The following NAV3 variants were observed in gnomAD, a reference collection of about 807,000 sequenced individuals.
NAV3 encodes the protein neuron navigator 3.
Under a neutral mutation model 244.7 loss-of-function variants are expected in NAV3, and 87 were observed. That is an observed-to-expected ratio of 0.36 (90% CI 0.30 to 0.42). The LOEUF is 0.42. NAV3 is among the 20% of genes least tolerant of loss of function. NAV3 has a pLI of 1.00. For synonymous variants in NAV3, 1,126 were observed against 1,042.2 expected, an observed-to-expected ratio of 1.08 and a Z score of -1.55; for missense variants, 2,663 against 2,893.3, an observed-to-expected ratio of 0.92 and a Z score of 1.83.
rs1300887916 is a variant in NAV3, at chr12:77,765,668, G to A, written c.73-174651G>A. ...ACTATGACTAGAGCCTAGAGTTCAT[G>A]TGGGGGATGGTGAGAACTGAGAATG... On this transcript the variant is annotated intron_variant, in intron 2 of 8. Coordinates refer to the NAV3 transcript ENST00000550042. 2.6e-5 allele frequency among the ~76,000 whole-genome samples: 4 copies of A among 152,186 alleles called. No homozygotes were observed. The East Asian group carries it at 7.7e-4, about 29-fold the overall frequency.
At chr12:77,983,967 C>G (rs1043260557) in intron 5 of NAV3, among the ~76,000 whole-genome samples, 1 of 152,086 alleles carries the variant, frequency 6.6e-6, no homozygotes, top group Non-Finnish European at 1.5e-5. Context: ...ATCACTGCAA[C>G]ACAAAACAAA....
rs74107148 is a variant in NAV3, at chr12:78,158,044, G to A, written c.4786-1159G>A. Reference sequence around the variant, plus strand: ...GTTACCAATAATGGAATATATTTCCGTTATTAAGTAATAAGCTTTAATTCT... The same window carrying A: ...GTTACCAATAATGGAATATATTTCCATTATTAAGTAATAAGCTTTAATTCT... On this transcript the variant is annotated intron_variant, in intron 22 of 39. Coordinates refer to ENST00000397909, the MANE Select transcript of NAV3 (RefSeq NM_001024383.2). Among the ~76,000 whole-genome samples, 654 of 152,180 alleles carry A rather than the reference G, an allele frequency of 4.3e-3. 3 individuals carry two copies. The highest frequency in any genetic ancestry group is 6.9e-3 in the African/African-American group (287 of 41,552).
chr12:77,717,545 A>T (rs1427623434), intron 2 of NAV3, among the ~76,000 whole-genome samples: 1 of 152,118 alleles, frequency 6.6e-6, no homozygotes, highest in Non-Finnish European at 1.5e-5. Context: ...TATGTTGTTT[A>T]CATATCTTGG....
chr12:77,712,568 C>G (rs1000013285), intron 2 of NAV3, among the ~76,000 whole-genome samples: 1 of 152,142 alleles, frequency 6.6e-6, no homozygotes, highest in African/African-American at 2.4e-5. Context: ...GCCTGATATC[C>G]TAACCAGAAC....
intron 3 of NAV3, among the ~76,000 whole-genome samples, chr12:77,959,961 A>G (rs1219364717): frequency 6.7e-6 from 1 of 149,348 alleles, no homozygotes; most frequent in South Asian, 2.1e-4. Context: ...TAAGTTTTGG[A>G]CATATAGCAG....
intron 2 of NAV3, among the ~76,000 whole-genome samples, chr12:77,741,676 T>C (rs1044151199): frequency 1.3e-5 from 2 of 152,142 alleles, no homozygotes; most frequent in African/African-American, 2.4e-5. Flanking sequence ...TATATTTGAA[T>C]AAAAGGGTGG....
chr12:77,915,669 G>C (rs1887069376), intron 1 of NAV3, among the ~76,000 whole-genome samples: 1 of 151,980 alleles, frequency 6.6e-6, no homozygotes, highest in African/African-American at 2.4e-5. Context: ...CCTGAAGATA[G>C]TTATTTCATC....
intron 9 of NAV3, among the ~76,000 whole-genome samples, chr12:78,032,092 C>A (rs1278609336): frequency 3.3e-5 from 5 of 152,114 alleles, no homozygotes; most frequent in Non-Finnish European, 5.9e-5. Flanking sequence ...ATGTCTGAAA[C>A]TATTTCTCCT....
At chr12:77,651,698 G>A (rs867450923) in intron 2 of NAV3, among the ~76,000 whole-genome samples, 2 of 152,190 alleles carry the variant, frequency 1.3e-5, no homozygotes, top group Non-Finnish European at 2.9e-5. Flanking sequence ...TTTAGTCTAC[G>A]TCAGTTGTAT....
intron 18 of NAV3, among the ~76,000 whole-genome samples, chr12:78,132,796 C>A (rs1956218833): frequency 6.6e-6 from 1 of 152,090 alleles, no homozygotes; most frequent in South Asian, 2.1e-4. Context: ...ACTAAAATCC[C>A]ATCAGTGTGC....
intron 2 of NAV3, among the ~76,000 whole-genome samples, chr12:77,797,550 A>G (rs1359921987): frequency 4.1e-5 from 5 of 121,312 alleles, no homozygotes; most frequent in Non-Finnish European, 3.4e-5. Context: ...TTTTTTTTTT[A>G]AAGTAGCTTA....
rs553528938 is a variant in NAV3, at chr12:78,074,304, T to C, written c.2636+15189T>C. ...AAAAATAATATCGCAGATTATAAGA[T>C]TGACATACAACTAGGACATAGAGGA... On this transcript the variant is annotated intron_variant, in intron 12 of 39. Transcript: ENST00000397909. 2.0e-5 allele frequency among the ~76,000 whole-genome samples: 3 copies of C among 152,312 alleles called. No individual in the cohort carries two copies. In the South Asian group the frequency reaches 6.2e-4, roughly 32 times the overall value.
At chr12:78,142,671 A>G (rs1459563271) in intron 20 of NAV3, among the ~76,000 whole-genome samples, 10 of 90,496 alleles carry the variant, frequency 1.1e-4, no homozygotes, top group African/African-American at 3.0e-4. Context: ...GTATATATAT[A>G]CATATATATG....
At chr12:78,054,868 T>C (rs1443213093) in intron 11 of NAV3, among the ~76,000 whole-genome samples, 6 of 151,514 alleles carry the variant, frequency 4.0e-5, no homozygotes, top group Admixed American at 4.0e-4. Flanking sequence ...GAATTTAGAG[T>C]TAGAGATGTA....
intron 2 of NAV3, among the ~76,000 whole-genome samples, chr12:77,817,790 A>G (rs1290616792): frequency 1.3e-5 from 2 of 152,146 alleles, no homozygotes; most frequent in African/African-American, 4.8e-5. Context: ...GCTGTTGGGG[A>G]AAAATCCCCA....
intron 2 of NAV3, among the ~76,000 whole-genome samples, chr12:77,605,069 C>G (rs1870610571): frequency 6.6e-6 from 1 of 152,088 alleles, no homozygotes; most frequent in Non-Finnish European, 1.5e-5. Flanking sequence ...GGGGCTATAT[C>G]TTGATTCATG....
chr12:77,614,001 T>C (rs1488853862), intron 2 of NAV3, among the ~76,000 whole-genome samples: 1 of 151,700 alleles, frequency 6.6e-6, no homozygotes, highest in Non-Finnish European at 1.5e-5. Context: ...TCAACACATA[T>C]GGATGTGGGC....
At chr12:77,873,056 G>C (rs1235642015) in intron 1 of NAV3, among the ~76,000 whole-genome samples, 4 of 152,082 alleles carry the variant, frequency 2.6e-5, no homozygotes, top group African/African-American at 9.7e-5. Flanking sequence ...AGATCTGATG[G>C]TTTTATAAAG....
At chr12:77,961,194 A>G (rs1488238941) in intron 3 of NAV3, among the ~76,000 whole-genome samples, 2 of 138,226 alleles carry the variant, frequency 1.4e-5, no homozygotes, top group African/African-American at 5.2e-5. Context: ...TGCAATATAT[A>G]ATATATATTT....
Sources: allele counts gnomAD v4.1 joint callset (sites outside exome capture counted in the v4.1 genomes callset), GRCh38; gene constraint gnomAD v4.1.1; transcripts MANE v1.5; gene names NCBI Gene and HGNC (gene_info 2026-07-23, HGNC 2026-07-21).